Variants in TRAPPC2L observed in about 807,000 individuals in gnomAD.
TRAPPC2L encodes the protein trafficking protein particle complex subunit 2L, also known as trafficking protein particle complex subunit 2-like protein.
Under a neutral mutation model 13.2 loss-of-function variants are expected in TRAPPC2L, and 17 were observed. The observed-to-expected ratio is 1.29, with a 90% CI of 0.88 to 1.93. The LOEUF (loss-of-function observed/expected upper bound fraction) is 1.93. Ranked by LOEUF, TRAPPC2L falls within the 30% of genes most tolerant of loss-of-function variation. TRAPPC2L has a pLI of 0.00. For synonymous variants in TRAPPC2L, 150 were observed against 98.1 expected (o/e 1.53, Z -3.12); for missense variants, 359 against 252.1 (o/e 1.42, Z -2.87).
exon 4 of TRAPPC2L, chr16:88,861,047 G>T (rs1968353944): frequency 7.6e-7 from 1 of 1,316,454 alleles, no homozygotes. Flanking sequence ...TTCCTGAATG[G>T]GACGCCTGGG....
intron 1 of TRAPPC2L, 47 bp downstream of exon 1, chr16:88,857,230 T>C (rs774006192): frequency 2.5e-5 from 36 of 1,448,552 alleles, no homozygotes; most frequent in Non-Finnish European, 2.9e-5. Context: ...CATCCTCGGC[T>C]CTCCGCTTTC....
At chr16:88,857,236 C>G in intron 1 of TRAPPC2L, 53 bp downstream of exon 1, 2 of 1,435,652 alleles carry the variant, frequency 1.4e-6, no homozygotes, top group East Asian at 2.9e-5. Context: ...CGGCTCTCCG[C>G]TTTCTTTCTA....
At chr16:88,861,680 C>T (rs4530120) in exon 4 of TRAPPC2L, 17 of 487,018 alleles carry the variant, frequency 3.5e-5, no homozygotes, top group Admixed American at 8.9e-5. Flanking sequence ...CCCATAGTGG[C>T]GTCAGTGCCG....
upstream of TRAPPC2L, chr16:88,856,816 C>A: frequency 3.3e-6 from 5 of 1,534,840 alleles, no homozygotes; most frequent in Non-Finnish European, 3.5e-6. Context: ...GGCCCCCATC[C>A]CCGCGGCGCT....
At chr16:88,857,009 G>C (rs1371432227), upstream of TRAPPC2L, 27 of 1,389,702 alleles carry the variant, frequency 1.9e-5, no homozygotes, top group Non-Finnish European at 2.2e-5. Flanking sequence ...AGTCCGCGGA[G>C]GGACGGGAGG....
Position 88,859,885 on chromosome 16 carries a change from T to G in TRAPPC2L, c.295-8T>G. 6.4e-7 allele frequency: 1 copy of G among 1,553,072 alleles called. No individual in the cohort carries two copies. The highest frequency in any genetic ancestry group is 8.7e-7 in the Non-Finnish European group (1 of 1,150,306). On this transcript the variant is annotated splice_polypyrimidine_tract_variant and splice_region_variant and intron_variant, in intron 3 of 3. Coordinates refer to ENST00000565504, the Ensembl canonical transcript of TRAPPC2L. The stretch of plus-strand genomic sequence containing the variant: ...TGGCAAGGTCATGGTTTGCTGGGTC[T>G]TTTTCAGATGTTCCGGAAGCTACAC...
chr16:88,856,962 G>C (rs1967957726), upstream of TRAPPC2L: 2 of 1,411,014 alleles, frequency 1.4e-6, no homozygotes, highest in East Asian at 5.9e-5. Context: ...TGCGGGGCGG[G>C]GCCTGGACGG....
At chr16:88,859,808 C>T in intron 3 of TRAPPC2L, 58 bp downstream of exon 3, 1 of 1,590,580 alleles carries the variant, frequency 6.3e-7, no homozygotes, top group Non-Finnish European at 8.6e-7. Flanking sequence ...TCCTTTTTGA[C>T]TTTGTTTTGA....
exon 4 of TRAPPC2L, chr16:88,860,631 G>A (rs1968318609): frequency 1.7e-6 from 1 of 594,550 alleles, no homozygotes; most frequent in Admixed American, 3.0e-5. Flanking sequence ...GGGCTGCACA[G>A]GGCCATCCTT....
exon 3 of TRAPPC2L, chr16:88,859,718 A>T: frequency 6.2e-7 from 1 of 1,614,052 alleles, no homozygotes; most frequent in Non-Finnish European, 8.5e-7. Context: ...AGATTCCTCC[A>T]ACACAGCCCT....
upstream of TRAPPC2L, chr16:88,856,905 G>C (rs775790429): frequency 5.3e-6 from 8 of 1,498,584 alleles, no homozygotes; most frequent in South Asian, 3.7e-5. Flanking sequence ...CGGAGCCCCG[G>C]CCAGCGAGCC....
exon 4 of TRAPPC2L, chr16:88,861,650 C>T (rs143200032): frequency 0.021 from 10,569 of 499,314 alleles, 158 homozygotes; most frequent in Non-Finnish European, 0.027. Context: ...GGCTGACTAC[C>T]ACCCAGGGCA....
chr16:88,859,462 C>T, intron 2 of TRAPPC2L: 4 of 704,326 alleles, frequency 5.7e-6, no homozygotes, highest in South Asian at 3.0e-5. Flanking sequence ...TGGCTGCCTG[C>T]TCTTCGCTTC....
intron 1 of TRAPPC2L, 52 bp from the exon 2 acceptor site, chr16:88,858,567 T>C: frequency 1.9e-6 from 3 of 1,586,562 alleles, no homozygotes; most frequent in East Asian, 4.5e-5. Context: ...TCAGAGCTGG[T>C]GTGCGCTGGG....
exon 4 of TRAPPC2L, chr16:88,860,866 G>C (rs752600514): frequency 6.9e-5 from 108 of 1,559,418 alleles, no homozygotes; most frequent in Non-Finnish European, 9.2e-5. Context: ...CTGAGCAGAG[G>C]GGTGGAGGGC....
chr16:88,859,336 G>T (rs892334496), intron 2 of TRAPPC2L: 1 of 672,368 alleles, frequency 1.5e-6, no homozygotes, highest in South Asian at 1.5e-5. Context: ...GAAGCCTCTG[G>T]TTTTGCAGTT....
At chr16:88,858,057 C>A (rs989815178) in intron 1 of TRAPPC2L, among the ~76,000 whole-genome samples, 1 of 152,326 alleles carries the variant, frequency 6.6e-6, no homozygotes, top group Non-Finnish European at 1.5e-5. Context: ...GACTCTTGTT[C>A]ACTGTATTTG....
chr16:88,857,777 C>T (rs1015590313), intron 1 of TRAPPC2L, among the ~76,000 whole-genome samples: 2 of 152,246 alleles, frequency 1.3e-5, no homozygotes, highest in Admixed American at 1.3e-4. Flanking sequence ...AACACCTCTC[C>T]CCAGCTCCCA....
At chr16:88,862,521 C>T (rs1197695549) in exon 4 of TRAPPC2L, 1 of 69,740 alleles carries the variant, frequency 1.4e-5, no homozygotes, top group Non-Finnish European at 2.8e-5. Context: ...GGGTCACACC[C>T]TAAGGACAGT....
Sources: gnomAD v4.1 joint callset for allele counts (sites outside exome capture counted in the v4.1 genomes callset) on GRCh38, gnomAD v4.1.1 for gene constraint, MANE v1.5 for transcripts, NCBI Gene and HGNC (gene_info 2026-07-23, HGNC 2026-07-21) for gene names.